CCSER2: variants seen among roughly 807,000 people sequenced by gnomAD.
CCSER2 encodes coiled-coil serine rich protein 2, also known as serine-rich coiled-coil domain-containing protein 2.
CCSER2 carries 46 observed loss-of-function variants against 92.3 expected under a neutral mutation model. The ratio of observed to expected loss-of-function variants is 0.50; its 90% CI spans 0.39 to 0.64. CCSER2 has a LOEUF of 0.64. Ranked by LOEUF, CCSER2 falls within the 30% of genes least tolerant of loss-of-function variation. CCSER2 has a pLI of 0.00. For missense variants in CCSER2, 1,244 were observed against 1,238.9 expected (o/e 1.00, Z -0.06); for synonymous variants, 433 against 431.4 (o/e 1.00, Z -0.04).
intron 9 of CCSER2, among the ~76,000 whole-genome samples, chr10:84,487,458 A>G (rs894739450): frequency 6.6e-6 from 1 of 152,124 alleles, no homozygotes; most frequent in Non-Finnish European, 1.5e-5. Flanking sequence ...GAGGTCCTTC[A>G]TGTCCCTTGT....
rs770030925 is a variant in CCSER2, at chr10:84,513,710, A to C, written c.2587A>C (p.Ile863Leu). Residue 863 changes from isoleucine (I) to leucine (L), a missense_variant, in exon 10 of 10, where the codon ATT (isoleucine) becomes CTT (leucine). Physicochemically the swap from Ile to Leu is conservative, Grantham distance 5 (BLOSUM62 2). Coordinates refer to ENST00000372088, the MANE Select transcript of CCSER2 (RefSeq NM_001284240.2). ...KSTPSEANLNITVNAQEPYHL... is the reference protein window; with the variant it reads ...KSTPSEANLNLTVNAQEPYHL... ...TACACCTTCTGAAGCAAACTTAAAC[A>C]TTACTGTAAATGCTCAAGAGCCTTA... 24 of 1,538,974 alleles carry C rather than the reference A, an allele frequency of 1.6e-5. No homozygotes were observed. Among genetic ancestry groups the C allele is most frequent in the Non-Finnish European group, 1.9e-5 (22 of 1,147,486 alleles).
chr10:84,356,974 C>G (rs142722123), intron 1 of CCSER2, among the ~76,000 whole-genome samples: 2 of 152,292 alleles, frequency 1.3e-5, no homozygotes, highest in African/African-American at 4.8e-5. Context: ...TTGCTTTTAA[C>G]CTACATTTGT....
chr10:84,342,070 C>A (rs78730458), intron 1 of CCSER2, among the ~76,000 whole-genome samples: 3,582 of 152,174 alleles, frequency 0.024, 59 homozygotes, highest in Non-Finnish European at 0.039. Context: ...CCTTCCCCCC[C>A]CTGGAGGTTG....
intron 8 of CCSER2, among the ~76,000 whole-genome samples, chr10:84,477,157 TAA>T (rs1847195186): frequency 6.6e-6 from 1 of 152,230 alleles, no homozygotes; most frequent in Non-Finnish European, 1.5e-5. Flanking sequence ...TCCATATACT[TAA>T]CTCTTTATAT....
chr10:84,448,494 G>T (rs1845066539), intron 6 of CCSER2, among the ~76,000 whole-genome samples: 2 of 152,042 alleles, frequency 1.3e-5, no homozygotes, highest in South Asian at 4.2e-4. Context: ...GGGCTTTTGG[G>T]GTGGAAACCT....
At chr10:84,510,350 C>T (rs1229757532) in intron 9 of CCSER2, among the ~76,000 whole-genome samples, 1 of 152,094 alleles carries the variant, frequency 6.6e-6, no homozygotes, top group East Asian at 1.9e-4. Flanking sequence ...TCCAGGCAGG[C>T]ATGTTTTCTT....
At chr10:84,366,060 T>C (rs1845761031) in intron 1 of CCSER2, among the ~76,000 whole-genome samples, 2 of 152,194 alleles carry the variant, frequency 1.3e-5, no homozygotes, top group South Asian at 4.1e-4. Context: ...ATGTCACTAC[T>C]TCAGAAGCTA....
intron 1 of CCSER2, among the ~76,000 whole-genome samples, chr10:84,353,887 AC>A (rs1173187572): frequency 1.1e-5 from 1 of 95,018 alleles, no homozygotes; most frequent in African/African-American, 2.9e-5. Flanking sequence ...CAAAATAAAA[AC>A]AAAAAAACAA....
At chr10:84,420,446 A>G (rs1348695737) in intron 4 of CCSER2, among the ~76,000 whole-genome samples, 1 of 152,200 alleles carries the variant, frequency 6.6e-6, no homozygotes, top group Non-Finnish European at 1.5e-5. Context: ...TACTATAGGA[A>G]AGTGGGAAAT....
At chr10:84,342,455 A>G (rs904049249) in intron 1 of CCSER2, among the ~76,000 whole-genome samples, 1 of 152,114 alleles carries the variant, frequency 6.6e-6, no homozygotes, top group Non-Finnish European at 1.5e-5. Flanking sequence ...CCAGTTCCTC[A>G]TGTACCCTGT....
chr10:84,339,551 C>T lies in CCSER2; in HGVS notation c.-40+10743C>T, dbSNP rs566630652. Among the ~76,000 whole-genome samples the T allele has an allele frequency of 3.3e-5, 5 of 152,036 alleles. No homozygotes were observed. In the East Asian group the frequency reaches 9.7e-4, roughly 29 times the overall value. ...AGTGCAATGGCGTGATCTTGGCTCA[C>T]CGCAACCTCTGTCTCCCGGGTTCAA... On this transcript the variant is annotated intron_variant, in intron 1 of 9. Transcript: ENST00000372088.
chr10:84,499,158 C>T (rs539947243), intron 9 of CCSER2, among the ~76,000 whole-genome samples: 6 of 151,950 alleles, frequency 3.9e-5, no homozygotes, highest in East Asian at 1.9e-4. Flanking sequence ...TTTTTTGAGA[C>T]GGAGTCTTGC....
chr10:84,407,266 G>C (rs1842425554), intron 3 of CCSER2, among the ~76,000 whole-genome samples: 1 of 151,830 alleles, frequency 6.6e-6, no homozygotes. Context: ...CTTCCTTTTT[G>C]GTTTTGCTTC....
chr10:84,329,748 A>G (rs1274739685), intron 1 of CCSER2, among the ~76,000 whole-genome samples: 1 of 152,244 alleles, frequency 6.6e-6, no homozygotes, highest in Non-Finnish European at 1.5e-5. Context: ...AGATGGGTTC[A>G]AAACATGTCT....
chr10:84,398,640 GGTTT>G (rs1421057843), intron 3 of CCSER2, among the ~76,000 whole-genome samples: 1 of 152,150 alleles, frequency 6.6e-6, no homozygotes, highest in African/African-American at 2.4e-5. Context: ...TGTTAAGGTA[GGTTT>G]GTTCCAGGGA....
At chr10:84,502,367 CTTTTTTTT>C (rs562377515) in intron 9 of CCSER2, among the ~76,000 whole-genome samples, 2 of 111,258 alleles carry the variant, frequency 1.8e-5, no homozygotes, top group Admixed American at 9.6e-5. Flanking sequence ...TTGATGACTT[CTTTTTTTT>C]TTTTTTTTTT....
At chr10:84,367,834 CTTA>C (rs1845861820) in intron 1 of CCSER2, among the ~76,000 whole-genome samples, 1 of 150,272 alleles carries the variant, frequency 6.7e-6, no homozygotes, top group Admixed American at 6.7e-5. Flanking sequence ...GATGCATGTT[CTTA>C]TTAGGTTGTT....
intron 8 of CCSER2, among the ~76,000 whole-genome samples, chr10:84,474,182 A>C (rs1846990159): frequency 1.3e-5 from 2 of 152,198 alleles, no homozygotes; most frequent in Admixed American, 1.3e-4. Flanking sequence ...GGAAATTGCT[A>C]GTGTAGAATT....
intron 5 of CCSER2, among the ~76,000 whole-genome samples, chr10:84,429,140 G>A (rs2133451245): frequency 6.6e-6 from 1 of 152,060 alleles, no homozygotes; most frequent in East Asian, 1.9e-4. Flanking sequence ...CTACTTTTGG[G>A]AAGAGTTTGT....
Sources: allele counts gnomAD v4.1 joint callset (sites outside exome capture counted in the v4.1 genomes callset), GRCh38; gene constraint gnomAD v4.1.1; transcripts MANE v1.5; gene names NCBI Gene and HGNC (gene_info 2026-07-23, HGNC 2026-07-21).